Variants in DENND2C observed in about 807,000 individuals in gnomAD.
DENND2C encodes DENN domain-containing protein 2C.
Under a neutral mutation model 112.4 loss-of-function variants are expected in DENND2C, and 72 were observed. The observed-to-expected ratio is 0.64, with a 90% CI of 0.53 to 0.78. The LOEUF is 0.78. DENND2C is among the 30% of genes least tolerant of loss of function. The pLI is 0.00. For missense variants in DENND2C, 992 were observed against 1,113.8 expected (o/e 0.89, Z 1.56); for synonymous variants, 329 against 381.6 (o/e 0.86, Z 1.61).
chr1:114,656,017 G>A (rs1049410387), intron 1 of DENND2C, among the ~76,000 whole-genome samples: 1 of 151,764 alleles, frequency 6.6e-6, no homozygotes, highest in Non-Finnish European at 1.5e-5. Flanking sequence ...TGACTGATAT[G>A]TGGACTGTTT....
At position 114,625,627 on chromosome 1, in the gene DENND2C, G is replaced by A. The variant is rs1231804162; in HGVS notation, c.358C>T (p.Arg120Trp). The A allele has an allele frequency of 1.3e-5, 21 of 1,613,914 alleles. No homozygotes were observed. The highest frequency in any genetic ancestry group is 1.1e-4 in the East Asian group (5 of 44,874). ...NESESNWVCSRVKEIESCKED... is the reference protein window; with the variant it reads ...NESESNWVCSWVKEIESCKED... The stretch of plus-strand genomic sequence containing the variant: ...TTACAGCTTTCAATTTCTTTGACCC[G>A]AGAACATACCCAGTTGGATTCTGAT... The change falls in exon 4 of 21, where the codon CGG (arginine) becomes TGG (tryptophan). Residue 120 changes from arginine (R) to tryptophan (W), a missense_variant. Physicochemically the swap from Arg to Trp is moderately radical, Grantham distance 101. This residue lies in a region of DENND2C where 470 missense variants were observed against 472.7 expected (regional missense o/e 0.99). Transcript: ENST00000393274.
Position 114,599,333 on chromosome 1 carries a change from A to G in DENND2C, c.2224T>C (p.Phe742Leu), listed in dbSNP as rs1471234599. ...GAGCAAGACAGGATTCCAATAAGGA[A>G]TGGTGTAGGTGAGCACACGATGTCA... is the stretch of plus-strand genomic sequence containing the variant. ...MIDIVCSPTP[F>L]LIGILSCSLP... Residue 742 changes from phenylalanine (F) to leucine (L), a missense_variant, in exon 16 of 21, where the codon TTC becomes CTC. Phe to Leu is a conservative substitution (Grantham distance 22, BLOSUM62 0). Transcript: ENST00000393274. 1 of 1,613,846 alleles carries G rather than the reference A, an allele frequency of 6.2e-7. No individual in the cohort carries two copies. The highest frequency in any genetic ancestry group is 8.5e-7 in the Non-Finnish European group (1 of 1,179,892).
At chr1:114,657,827 T>G (rs190893497) in intron 1 of DENND2C, among the ~76,000 whole-genome samples, 1 of 152,310 alleles carries the variant, frequency 6.6e-6, no homozygotes, top group East Asian at 1.9e-4. Context: ...TTATACAAGT[T>G]TAATCTTGTT....
At chr1:114,593,084 T>C (rs1655240290) in intron 18 of DENND2C, among the ~76,000 whole-genome samples, 1 of 152,104 alleles carries the variant, frequency 6.6e-6, no homozygotes, top group Non-Finnish European at 1.5e-5. Context: ...CCTCCTGCCT[T>C]GGCCTCCCAA....
intron 3 of DENND2C, among the ~76,000 whole-genome samples, chr1:114,639,407 C>T (rs1223626560): frequency 6.6e-6 from 1 of 151,772 alleles, no homozygotes; most frequent in Non-Finnish European, 1.5e-5. Context: ...GGTGAAACCC[C>T]ACCTCTACTA....
At chr1:114,636,760 T>C (rs1656668771) in intron 3 of DENND2C, among the ~76,000 whole-genome samples, 1 of 151,690 alleles carries the variant, frequency 6.6e-6, no homozygotes, top group Admixed American at 6.6e-5. Context: ...GTTTTTTTTT[T>C]CCTGCAAACA....
chr1:114,600,058 G>A (rs1655453289), intron 15 of DENND2C, 146 bp downstream of exon 15: 2 of 832,730 alleles, frequency 2.4e-6, no homozygotes, highest in South Asian at 1.9e-5. Flanking sequence ...CATGGCACAT[G>A]TATACATATG....
chr1:114,626,807 C>T (rs1351571700), intron 3 of DENND2C, among the ~76,000 whole-genome samples: 1 of 152,024 alleles, frequency 6.6e-6, no homozygotes, highest in Non-Finnish European at 1.5e-5. Flanking sequence ...GTACCGCACC[C>T]AGGCATAAAT....
At chr1:114,622,489 A>C (rs79867) in intron 6 of DENND2C, among the ~76,000 whole-genome samples, 133,155 of 152,130 alleles carry the variant, frequency 0.88, 58,769 homozygotes, top group African/African-American at 0.96. Context: ...TCCTATATTT[A>C]ATTTAAAATC....
At chr1:114,623,729 ATTGT>A (rs148413143) in intron 4 of DENND2C, 86 bp from the exon 5 acceptor site, 881,921 of 1,034,134 alleles carry the variant, frequency 0.85, 379,441 homozygotes, top group African/African-American at 0.96. Context: ...TATTTGTTTG[ATTGT>A]TTGTTTTATT....
At chr1:114,589,816 G>A (rs970066362) in intron 18 of DENND2C, among the ~76,000 whole-genome samples, 1 of 151,968 alleles carries the variant, frequency 6.6e-6, no homozygotes, top group Non-Finnish European at 1.5e-5. Flanking sequence ...AACATCACAA[G>A]TGAAATGAAT....
chr1:114,635,900 A>C (rs770849684), intron 3 of DENND2C, among the ~76,000 whole-genome samples: 5 of 151,844 alleles, frequency 3.3e-5, no homozygotes, highest in Admixed American at 3.3e-4. Flanking sequence ...CAGTTTCTTG[A>C]AAGACTGAGG....
intron 14 of DENND2C, 61 bp downstream of exon 14, chr1:114,600,759 C>T (rs924275087): frequency 3.2e-6 from 5 of 1,566,448 alleles, no homozygotes; most frequent in African/African-American, 2.7e-5. Context: ...CTGGAAACTG[C>T]CTACTAGTGT....
At chr1:114,643,973 C>A (rs780250303) in intron 3 of DENND2C, among the ~76,000 whole-genome samples, 1 of 152,166 alleles carries the variant, frequency 6.6e-6, no homozygotes, top group East Asian at 1.9e-4. Flanking sequence ...GACTACAATT[C>A]CTTTTCTTTG....
intron 1 of DENND2C, among the ~76,000 whole-genome samples, chr1:114,660,905 G>A (rs1657471953): frequency 6.6e-6 from 1 of 152,060 alleles, no homozygotes. Flanking sequence ...AAGGTCAGGA[G>A]TTTGAGACCA....
chr1:114,669,655 T>C (rs916851052), intron 1 of DENND2C, among the ~76,000 whole-genome samples: 1 of 151,920 alleles, frequency 6.6e-6, no homozygotes, highest in Admixed American at 6.6e-5. Context: ...CCCTCCCTCT[T>C]CCCCAGCAGA....
At chr1:114,595,500 G>T in intron 17 of DENND2C, 2 of 165,202 alleles carry the variant, frequency 1.2e-5, no homozygotes, top group African/African-American at 2.4e-5. Flanking sequence ...AAAAAAAAAA[G>T]AAATAATCAG....
chr1:114,620,215 C>A (rs1438304537), intron 7 of DENND2C, among the ~76,000 whole-genome samples: 1 of 152,100 alleles, frequency 6.6e-6, no homozygotes, highest in Non-Finnish European at 1.5e-5. Context: ...AAGGGACATC[C>A]TAAAAAGATT....
chr1:114,595,482 C>CAA (rs1200426049), intron 17 of DENND2C: 40 of 69,218 alleles, frequency 5.8e-4, no homozygotes, highest in Middle Eastern at 9.6e-3. Flanking sequence ...GACTCCATCT[C>CAA]AAAAAAAAAA....
Sources: allele counts gnomAD v4.1 joint callset (sites outside exome capture counted in the v4.1 genomes callset), GRCh38; gene constraint gnomAD v4.1.1; regional missense constraint gnomAD v4.1.1; transcripts MANE v1.5; gene names NCBI Gene and HGNC (gene_info 2026-07-23, HGNC 2026-07-21).